The following PDE1B variants were observed in gnomAD, a reference collection of about 807,000 sequenced individuals.
The protein encoded by PDE1B is phosphodiesterase 1B.
Under a neutral mutation model 66.7 loss-of-function variants are expected in PDE1B, and 13 were observed. The observed-to-expected ratio is 0.19, with a 90% confidence interval of 0.13 to 0.31. PDE1B has a LOEUF of 0.31. PDE1B is among the 10% of genes least tolerant of loss of function. PDE1B has a pLI of 1.00. For missense variants in PDE1B, 485 were observed against 682.3 expected, an observed-to-expected ratio of 0.71 and a Z score of 3.22; for synonymous variants, 230 against 253.9, an observed-to-expected ratio of 0.91 and a Z score of 0.90.
chr12:54,550,579 T>C (rs1303586350), intron 2 of PDE1B, among the ~76,000 whole-genome samples: 4 of 149,522 alleles, frequency 2.7e-5, no homozygotes, highest in South Asian at 2.2e-4. Context: ...ACTCTATGTA[T>C]TAATGATGAG....
Position 54,551,533 on chromosome 12 carries a change from G to T in PDE1B, c.113+1548G>T, listed in dbSNP as rs1957277782. Among the ~76,000 whole-genome samples, 5 of 152,184 alleles carry T rather than the reference G, an allele frequency of 3.3e-5. No homozygotes were observed. The South Asian group carries it at 1.0e-3, about 31-fold the overall frequency. The stretch of plus-strand genomic sequence containing the variant: ...TGAGCTGGGGAAAGGGGCAGATAAG[G>T]AAGTAGTTGAAAGGTAAAGAAGGGC... On this transcript the variant is annotated intron_variant, in intron 2 of 15. Transcript: ENST00000243052.
At chr12:54,576,887 G>A (rs1335286708) in intron 14 of PDE1B, 186 bp downstream of exon 14, 1 of 648,214 alleles carries the variant, frequency 1.5e-6, no homozygotes, top group Non-Finnish European at 2.7e-6. Context: ...TTCTAAGAAT[G>A]GGGGCCGTAG....
chr12:54,550,816 A>G (rs1391595004), intron 2 of PDE1B, among the ~76,000 whole-genome samples: 1 of 152,180 alleles, frequency 6.6e-6, no homozygotes, highest in Non-Finnish European at 1.5e-5. Context: ...GGAAGAACTC[A>G]GGTATCTGAT....
At chr12:54,568,931 C>G (rs796534745) in intron 3 of PDE1B, among the ~76,000 whole-genome samples, 4 of 152,316 alleles carry the variant, frequency 2.6e-5, no homozygotes, top group African/African-American at 9.6e-5. Flanking sequence ...TATAGCATCC[C>G]TGAAAGATGC....
chr12:54,570,493 C>A, intron 6 of PDE1B, 136 bp downstream of exon 6: 1 of 662,160 alleles, frequency 1.5e-6, no homozygotes, highest in Non-Finnish European at 2.7e-6. Context: ...CCCATGCCCA[C>A]GCCCAGCCTA....
intron 2 of PDE1B, among the ~76,000 whole-genome samples, chr12:54,551,904 C>T (rs1957282945): frequency 6.6e-6 from 1 of 152,186 alleles, no homozygotes; most frequent in Non-Finnish European, 1.5e-5. Flanking sequence ...TTGATTAGAT[C>T]ATTCTGGTCT....
intron 13 of PDE1B, 44 bp downstream of exon 13, chr12:54,576,144 A>G: frequency 1.7e-6 from 2 of 1,175,444 alleles, no homozygotes; most frequent in Non-Finnish European, 2.6e-6. Context: ...TCAGGAAGGC[A>G]GTGGTAGGGA....
At chr12:54,551,924 T>A (rs1176816115) in intron 2 of PDE1B, among the ~76,000 whole-genome samples, 1 of 152,226 alleles carries the variant, frequency 6.6e-6, no homozygotes, top group Non-Finnish European at 1.5e-5. Flanking sequence ...TTCACTCACT[T>A]CAGCAGTCTG....
chr12:54,576,035 T>A lies in PDE1B; in HGVS notation c.1311T>A (p.Thr437=). Residue 437 remains threonine (T), a synonymous_variant, in exon 13 of 16, where the codon ACT becomes ACA. Coordinates refer to ENST00000243052, the MANE Select transcript of PDE1B (RefSeq NM_000924.4). The part of the protein sequence containing the change: ...FIVEPTFSVL[T]DVAEKSVQPL... ...TGGAGCCCACATTCTCTGTGCTGACTGACGTGGCAGAGAAGAGTGTTCAGC... is the reference window on the plus strand; with the variant it reads ...TGGAGCCCACATTCTCTGTGCTGACAGACGTGGCAGAGAAGAGTGTTCAGC... 1 of 1,614,146 alleles carries A rather than the reference T, an allele frequency of 6.2e-7. No homozygotes were observed. The highest frequency in any genetic ancestry group is 8.5e-7 in the Non-Finnish European group (1 of 1,179,940).
Position 54,576,607 on chromosome 12 carries a change from G to A in PDE1B, c.1413G>A (p.Val471=), listed in dbSNP as rs1450017997. 1 of 1,614,056 alleles carries A rather than the reference G, an allele frequency of 6.2e-7. No individual in the cohort carries two copies. ...QWRQPSLDVE[V]GDPNPDVVSF... is the part of the protein sequence containing the mutation. Reference sequence around the variant, plus strand: ...GCCAGCCCTCTCTGGATGTGGAAGTGGGAGACCCCAACCCTGATGTGGTCA... The same window carrying A: ...GCCAGCCCTCTCTGGATGTGGAAGTAGGAGACCCCAACCCTGATGTGGTCA... Residue 471 remains valine, a synonymous_variant, in exon 14 of 16, where the codon GTG becomes GTA. Transcript: ENST00000243052.
rs752170175 is a variant in PDE1B, at chr12:54,577,217, C to T, written c.1508-8C>T. 2 of 1,611,388 alleles carry T rather than the reference C, an allele frequency of 1.2e-6. No individual in the cohort carries two copies. The highest frequency in any genetic ancestry group is 4.5e-5 in the East Asian group (2 of 44,868). On this transcript the variant is annotated splice_region_variant and splice_polypyrimidine_tract_variant and intron_variant, in intron 14 of 15. Coordinates refer to ENST00000243052, the MANE Select transcript of PDE1B (RefSeq NM_000924.4). ...CCTAAGCTCAGCCTCCTTTATGCTC[C>T]TCTACAGGCATCACCAACCAGATGT...
chr12:54,566,955 C>T lies in PDE1B; in HGVS notation c.114-19C>T. 1 of 1,441,482 alleles carries T rather than the reference C, an allele frequency of 6.9e-7. No homozygotes were observed. Among genetic ancestry groups the T allele is most frequent in the Non-Finnish European group, 9.7e-7 (1 of 1,026,792 alleles). The allele number at this position is 1,441,482 out of a possible 1,614,324, so 89.3% of individuals were successfully genotyped here. A position where few individuals can be genotyped will look rare whatever the true frequency, so the allele number is the denominator to read the frequency against. ...AGGTAGCTGTGCCTAAGCAGCCTCT[C>T]TGTATCTGCTCCCTGCAGGCTGCGC... On this transcript the variant is annotated intron_variant, in intron 2 of 15. Coordinates refer to ENST00000243052, the MANE Select transcript of PDE1B (RefSeq NM_000924.4).
At chr12:54,568,349 C>T (rs1423838390) in intron 3 of PDE1B, among the ~76,000 whole-genome samples, 1 of 151,798 alleles carries the variant, frequency 6.6e-6, no homozygotes, top group Non-Finnish European at 1.5e-5. Context: ...GTAGTCCCAG[C>T]TACTTGGGAG....
At chr12:54,554,210 TG>T (rs1186081832) in intron 2 of PDE1B, 2 of 152,204 alleles carry the variant, frequency 1.3e-5, no homozygotes, top group East Asian at 1.9e-4. Flanking sequence ...GCCCTCTTTT[TG>T]TATAGGCCCC....
chr12:54,563,455 A>T (rs1315664105), intron 2 of PDE1B, among the ~76,000 whole-genome samples: 2 of 152,202 alleles, frequency 1.3e-5, no homozygotes, highest in African/African-American at 4.8e-5. Flanking sequence ...GATTAAATGA[A>T]GTTTGTAATT....
At position 54,573,965 on chromosome 12, in the gene PDE1B, C is replaced by T. The variant is rs1387207730; in HGVS notation, c.1064+256C>T. 2.0e-6 allele frequency: 1 copy of T among 495,742 alleles called. No homozygotes were observed. The allele number at this position is 495,742 out of a possible 1,614,324, so 30.7% of individuals were successfully genotyped here. ...CTGATCCACTGGAGAGTGCTTTGGGCTGGGAATCTAAGATGGGGGTTCTCA... is the reference window on the plus strand; with the variant it reads ...CTGATCCACTGGAGAGTGCTTTGGGTTGGGAATCTAAGATGGGGGTTCTCA... On this transcript the variant is annotated intron_variant, in intron 10 of 15. Coordinates refer to ENST00000243052, the MANE Select transcript of PDE1B (RefSeq NM_000924.4). This position sits in a 1 kb window ranked among gnomAD's most constrained non-coding sequence, Gnocchi z 5.2.
chr12:54,551,495 C>T (rs1468774653), intron 2 of PDE1B, among the ~76,000 whole-genome samples: 3 of 151,984 alleles, frequency 2.0e-5, no homozygotes, highest in East Asian at 1.9e-4. Context: ...AATGACGCTG[C>T]GTTAATGGTA....
At position 54,573,576 on chromosome 12, in the gene PDE1B, G is replaced by T. The variant is rs776574081; in HGVS notation, c.963-32G>T. On this transcript the variant is annotated intron_variant, in intron 9 of 15. Coordinates refer to ENST00000243052, the MANE Select transcript of PDE1B (RefSeq NM_000924.4). This position sits in a 1 kb window ranked among gnomAD's most constrained non-coding sequence, Gnocchi z 5.2. ...ACCTCCTGCCCAGCAGCGCTGAGGG[G>T]ACTGATTGCTTCTCTTTTTATGTCC... 3.1e-6 allele frequency: 5 copies of T among 1,611,646 alleles called. No individual in the cohort carries two copies. The highest frequency in any genetic ancestry group is 4.2e-6 in the Non-Finnish European group (5 of 1,177,788).
At chr12:54,554,259 A>G (rs1433053020) in intron 2 of PDE1B, 1 of 152,196 alleles carries the variant, frequency 6.6e-6, no homozygotes, top group Non-Finnish European at 1.5e-5. Flanking sequence ...AGTTTTGAAA[A>G]TCATGCTGCC....
Sources: allele counts gnomAD v4.1 joint callset (sites outside exome capture counted in the v4.1 genomes callset), GRCh38; gene constraint gnomAD v4.1.1; non-coding constraint Gnocchi (gnomAD v3.1); transcripts MANE v1.5; gene names NCBI Gene and HGNC (gene_info 2026-07-23, HGNC 2026-07-21).